The following CALR variants were observed in gnomAD, a reference collection of about 807,000 sequenced individuals.
The protein encoded by CALR is calreticulin, also known as CRP55.
Under a neutral mutation model 51.1 loss-of-function variants are expected in CALR, and 15 were observed. The ratio of observed to expected loss-of-function variants is 0.29; its 90% CI spans 0.20 to 0.45. CALR has a LOEUF of 0.45. Among genes scored for constraint, CALR ranks in the 20% least tolerant of loss-of-function variants. The pLI is 1.00. For synonymous variants in CALR, 239 were observed against 205.9 expected (o/e 1.16, Z -1.38); for missense variants, 477 against 530.6 (o/e 0.90, Z 0.99).
Position 12,940,224 on chromosome 19 carries a change from C to T in CALR, c.493-19C>T. 1 of 1,613,558 alleles carries T rather than the reference C, an allele frequency of 6.2e-7. No individual in the cohort carries two copies. Among genetic ancestry groups the T allele is most frequent in the South Asian group, 1.1e-5 (1 of 91,074 alleles). On this transcript the variant is annotated intron_variant, in intron 4 of 8. Coordinates refer to ENST00000316448, the MANE Select transcript of CALR (RefSeq NM_004343.4). ...GCCTCATTGGGGGGTGGCCCCCGCT[C>T]ACCTTCTTCCTTCTTCAGGATGATG...
Position 12,944,193 on chromosome 19 carries a change from C to T in CALR, c.*280C>T. 5.5e-6 allele frequency: 3 copies of T among 544,526 alleles called. No homozygotes were observed. Among genetic ancestry groups the T allele is most frequent in the Non-Finnish European group, 6.5e-6 (2 of 308,092 alleles). The allele number at this position is 544,526 out of a possible 1,614,324, so 33.7% of individuals were successfully genotyped here. A position where few individuals can be genotyped will look rare whatever the true frequency, so the allele number is the denominator to read the frequency against. On this transcript the variant is annotated 3_prime_UTR_variant, in exon 9 of 9. Transcript: ENST00000316448. ...ATCAACATCTTTTCTTGCCTCTGTC[C>T]CCTTCTCTCATCTCTTAGCTCCCCT...
Position 12,944,037 on chromosome 19 carries a change from G to A in CALR, c.*124G>A. Reference sequence around the variant, plus strand: ...TTTTCCAGGCTGGTTCGGATTTGGGGTGGATTTTGGTTTTGTTCCCCTCCT... The same window carrying A: ...TTTTCCAGGCTGGTTCGGATTTGGGATGGATTTTGGTTTTGTTCCCCTCCT... On this transcript the variant is annotated 3_prime_UTR_variant, in exon 9 of 9. Coordinates refer to ENST00000316448, the MANE Select transcript of CALR (RefSeq NM_004343.4). The A allele has an allele frequency of 6.5e-7, 1 of 1,530,240 alleles. No homozygotes were observed. The highest frequency in any genetic ancestry group is 8.8e-7 in the Non-Finnish European group (1 of 1,131,602). The allele number at this position is 1,530,240 out of a possible 1,614,324, so 94.8% of individuals were successfully genotyped here.
chr19:12,943,060 T>C (rs1032591102), intron 7 of CALR, among the ~76,000 whole-genome samples: 62 of 148,170 alleles, frequency 4.2e-4, no homozygotes, highest in African/African-American at 1.5e-3. Flanking sequence ...TCCCTGGCTG[T>C]CTCTCCATCT....
At chr19:12,939,395 C>T (rs748106355) in intron 2 of CALR, 33 bp from the exon 3 acceptor site, 2 of 1,604,580 alleles carry the variant, frequency 1.2e-6, no homozygotes, top group East Asian at 2.2e-5. Context: ...CGAGTCAAGG[C>T]CCAACGGTGA....
chr19:12,943,169 C>G, intron 7 of CALR: 1 of 285,702 alleles, frequency 3.5e-6, no homozygotes, highest in Non-Finnish European at 6.8e-6. Context: ...ACTGCAAGCT[C>G]CGCCTCCTGG....
At position 12,939,248 on chromosome 19, in the gene CALR, G is replaced by A. The variant is rs1236689355; in HGVS notation, c.193+13G>A. On this transcript the variant is annotated intron_variant, in intron 2 of 8. Coordinates refer to ENST00000316448, the MANE Select transcript of CALR (RefSeq NM_004343.4). ...GAGAAAGATAAAGGTAAGAGCCTAGGAGTGGGTGCTCAGATCCGGGAGGAC... is the reference window on the plus strand; with the variant it reads ...GAGAAAGATAAAGGTAAGAGCCTAGAAGTGGGTGCTCAGATCCGGGAGGAC... The A allele has an allele frequency of 6.3e-7, 1 of 1,577,640 alleles. No individual in the cohort carries two copies. Among genetic ancestry groups the A allele is most frequent in the South Asian group, 1.1e-5 (1 of 89,120 alleles).
rs758210742 is a variant in CALR at position 12,943,886 on chromosome 19, C to G, written c.1227C>G (p.Val409=). 1.3e-6 allele frequency: 2 copies of G among 1,594,106 alleles called. No homozygotes were observed. Among genetic ancestry groups the G allele is most frequent in the African/African-American group, 1.3e-5 (1 of 74,718 alleles). ...EDKEEDEEED[V]PGQAKDEL is the part of the protein sequence containing the mutation. ...AGGAGGAAGATGAGGAGGAAGATGT[C>G]CCCGGCCAGGCCAAGGACGAGCTGT... Residue 409 remains valine, a synonymous_variant, in exon 9 of 9, where the codon GTC becomes GTG. Transcript: ENST00000316448.
intron 7 of CALR, 136 bp downstream of exon 7, chr19:12,941,023 TC>T (rs1971539745): frequency 3.6e-6 from 3 of 832,088 alleles, no homozygotes; most frequent in Admixed American, 3.8e-5. Context: ...TACTTCCTGG[TC>T]TGTCCCTGTG....
In CALR at chr19:12,938,768, G is replaced by C. The variant is rs1236351578; in HGVS notation, c.89G>C (p.Gly30Ala). Reference sequence around the variant, plus strand: ...TACTTCAAGGAGCAGTTTCTGGACGGAGGTAACGCCTGGTCCCGCCTCGAG... The same window carrying C: ...TACTTCAAGGAGCAGTTTCTGGACGCAGGTAACGCCTGGTCCCGCCTCGAG... ...AVYFKEQFLD[G>A]DGWTSRWIES... is the part of the protein sequence containing the mutation. Residue 30 changes from glycine (G) to alanine (A), a missense_variant and splice_region_variant, in exon 1 of 9, where the codon GGA becomes GCA. Coordinates refer to ENST00000316448, the MANE Select transcript of CALR (RefSeq NM_004343.4). The C allele has an allele frequency of 1.2e-6, 2 of 1,608,252 alleles. No homozygotes were observed. The highest frequency in any genetic ancestry group is 2.2e-5 in the South Asian group (2 of 90,512).
Position 12,938,788 on chromosome 19 carries a change from C to T in CALR, c.91+18C>T, listed in dbSNP as rs748557624. ...GGACGGAGGTAACGCCTGGTCCCGC[C>T]TCGAGGCCGCCCCGACGACGCGGCC... is the stretch of plus-strand genomic sequence containing the variant. On this transcript the variant is annotated intron_variant, in intron 1 of 8. Coordinates refer to ENST00000316448, the MANE Select transcript of CALR (RefSeq NM_004343.4). 3.8e-6 allele frequency: 6 copies of T among 1,578,378 alleles called. No homozygotes were observed. In the South Asian group the frequency reaches 4.5e-5, roughly 12 times the overall value.
At chr19:12,941,665 A>G (rs1417085886) in intron 7 of CALR, among the ~76,000 whole-genome samples, 1 of 149,348 alleles carries the variant, frequency 6.7e-6, no homozygotes. Flanking sequence ...TTTTTTTTTT[A>G]GTACAGACAT....
At position 12,944,322 on chromosome 19, in the gene CALR, A is replaced by AC. The variant is rs1218315592; in HGVS notation, c.*415dup. 2 of 314,252 alleles carry AC rather than the reference A, an allele frequency of 6.4e-6. No individual in the cohort carries two copies. Among genetic ancestry groups the AC allele is most frequent in the Non-Finnish European group, 1.2e-5 (2 of 165,422 alleles). The allele number at this position is 314,252 out of a possible 1,614,324, so 19.5% of individuals were successfully genotyped here. A position where few individuals can be genotyped will look rare whatever the true frequency, so the allele number is the denominator to read the frequency against. ...GCAGCAGAAGGGGGTGGTGTCTCCA[A>AC]CCCCCCAGCACTGAGGAAGAACGGG... On this transcript the variant is annotated 3_prime_UTR_variant, in exon 9 of 9. Transcript: ENST00000316448.
rs1971497070 is a variant in CALR at position 12,938,642 on chromosome 19, T to A, written c.-38T>A. 2 of 1,539,036 alleles carry A rather than the reference T, an allele frequency of 1.3e-6. No homozygotes were observed. Among genetic ancestry groups the A allele is most frequent in the Non-Finnish European group, 1.8e-6 (2 of 1,125,274 alleles). ...TGCAGAGCCGCTGCCGGAGGGTCGTTTTAAAGGGCCCGCGCGTTGCCGCCC... is the reference window on the plus strand; with the variant it reads ...TGCAGAGCCGCTGCCGGAGGGTCGTATTAAAGGGCCCGCGCGTTGCCGCCC... On this transcript the variant is annotated 5_prime_UTR_variant, in exon 1 of 9. Coordinates refer to ENST00000316448, the MANE Select transcript of CALR (RefSeq NM_004343.4).
In CALR at chr19:12,940,780, T is replaced by C. The variant is rs756980463; in HGVS notation, c.853T>C (p.Tyr285His). Reference sequence around the variant, plus strand: ...GCCCCGGCAGATCGACAACCCAGATTACAAGGGCACTTGGATCCACCCAGA... The same window carrying C: ...GCCCCGGCAGATCGACAACCCAGATCACAAGGGCACTTGGATCCACCCAGA... ...WKPRQIDNPD[Y>H]KGTWIHPEID... Residue 285 changes from tyrosine to histidine, a missense_variant, in exon 7 of 9, where the codon TAC (tyrosine) becomes CAC (histidine). Transcript: ENST00000316448. 6.2e-7 allele frequency: 1 copy of C among 1,614,050 alleles called. No individual in the cohort carries two copies.
chr19:12,943,465 C>A, intron 7 of CALR, 72 bp from the exon 8 acceptor site: 1 of 1,321,894 alleles, frequency 7.6e-7, no homozygotes, highest in Non-Finnish European at 1.1e-6. Context: ...TATAGGAACA[C>A]AGGTGGAAAC....
chr19:12,943,787 CAA>C lies in CALR; in HGVS notation c.1130_1131del (p.Lys377ArgfsTer11). 6.3e-7 allele frequency: 1 copy of C among 1,596,830 alleles called. No homozygotes were observed. Among genetic ancestry groups the C allele is most frequent in the Non-Finnish European group, 8.5e-7 (1 of 1,171,548 alleles). On this transcript the variant is annotated frameshift_variant, in exon 9 of 9. Coordinates refer to ENST00000316448, the MANE Select transcript of CALR (RefSeq NM_004343.4). LOFTEE classifies it high-confidence loss of function. Reference protein sequence around the residue: ...LKEEEEDKKRKEEEEAEDKED... With the variant: ...LKEEEEDKKRXEEEEAEDKED... ...AGGAGGAGGAAGAAGACAAGAAACG[CAA>C]AGAGGAGGAGGAGGCAGAGGACAAG...
chr19:12,943,771 A>G lies in CALR; in HGVS notation c.1112A>G (p.Glu371Gly). Residue 371 changes from glutamate (E) to glycine (G), a missense_variant, in exon 9 of 9, where the codon GAA becomes GGA. Transcript: ENST00000316448. ...QDEEQRLKEE[E>G]EDKKRKEEEE... The stretch of plus-strand genomic sequence containing the variant: ...GAGGAGCAGAGGCTTAAGGAGGAGG[A>G]AGAAGACAAGAAACGCAAAGAGGAG... 6.2e-7 allele frequency: 1 copy of G among 1,604,902 alleles called. No homozygotes were observed. Among genetic ancestry groups the G allele is most frequent in the Non-Finnish European group, 8.5e-7 (1 of 1,175,430 alleles).
intron 7 of CALR, 58 bp downstream of exon 7, chr19:12,940,945 C>G: frequency 1.9e-6 from 3 of 1,571,928 alleles, no homozygotes; most frequent in Non-Finnish European, 2.6e-6. Flanking sequence ...TAAGATCACC[C>G]AAGAGGAAAG....
intron 7 of CALR, chr19:12,943,263 T>G (rs1467885827): frequency 7.1e-6 from 3 of 425,050 alleles, no homozygotes; most frequent in Non-Finnish European, 1.3e-5. Flanking sequence ...TTTTTGTATT[T>G]TTAGTAGAGA....
Sources: allele counts gnomAD v4.1 joint callset (sites outside exome capture counted in the v4.1 genomes callset), GRCh38; gene constraint gnomAD v4.1.1; transcripts MANE v1.5; gene names NCBI Gene and HGNC (gene_info 2026-07-23, HGNC 2026-07-21).